Variants in KIT observed in about 807,000 individuals in gnomAD.
KIT encodes KIT proto-oncogene, receptor tyrosine kinase.
In KIT, 16 loss-of-function variants were observed where a neutral mutation model predicts 105.7. The observed-to-expected ratio is 0.15, with a 90% confidence interval of 0.10 to 0.23. KIT has a LOEUF of 0.23. Among genes scored for constraint, KIT ranks in the 10% least tolerant of loss-of-function variants. The probability of loss-of-function intolerance (pLI) is 1.00; values close to 1 mark genes in which losing one functional copy is unlikely to be tolerated. For missense variants in KIT, 858 were observed against 1,213.8 expected (o/e 0.71, Z 4.36); for synonymous variants, 438 against 441.1 (o/e 0.99, Z 0.09).
intron 7 of KIT, among the ~76,000 whole-genome samples, chr4:54,720,081 C>T (rs373415118): frequency 1.4e-4 from 22 of 152,122 alleles, no homozygotes; most frequent in Non-Finnish European, 2.5e-4. Flanking sequence ...GCCCTGGGTG[C>T]TTCTCTTGCC....
intron 1 of KIT, among the ~76,000 whole-genome samples, chr4:54,684,655 C>T (rs1248854641): frequency 2.0e-5 from 3 of 152,176 alleles, no homozygotes; most frequent in Non-Finnish European, 4.4e-5. Flanking sequence ...CCCCAAACTC[C>T]TCCCTGACAC....
At chr4:54,679,485 CA>C (rs768524918) in intron 1 of KIT, among the ~76,000 whole-genome samples, 21 of 152,144 alleles carry the variant, frequency 1.4e-4, no homozygotes, top group Middle Eastern at 3.4e-3. Flanking sequence ...TATAAAGTGA[CA>C]TTTTTGAAAG....
chr4:54,698,018 A>T (rs3111792), intron 2 of KIT, among the ~76,000 whole-genome samples: 1 of 152,148 alleles, frequency 6.6e-6, no homozygotes, highest in Non-Finnish European at 1.5e-5. Context: ...TGGCAATAAT[A>T]ATAGTACTGA....
chr4:54,719,798 CAG>C (rs1721747180), intron 7 of KIT, among the ~76,000 whole-genome samples: 1 of 152,166 alleles, frequency 6.6e-6, no homozygotes, highest in Non-Finnish European at 1.5e-5. Flanking sequence ...TTATAAAATG[CAG>C]ATGAGCCCAG....
chr4:54,727,465 A>G lies in KIT; in HGVS notation c.1697A>G (p.Asn566Ser), dbSNP rs1722309800. The G allele has an allele frequency of 6.2e-7, 1 of 1,614,110 alleles. No individual in the cohort carries two copies. Among genetic ancestry groups the G allele is most frequent in the Non-Finnish European group, 8.5e-7 (1 of 1,179,978 alleles). Residue 566 changes from asparagine to serine, a missense_variant, in exon 11 of 21, where the codon AAC (asparagine) becomes AGC (serine). Asn to Ser is a conservative substitution (Grantham distance 46). Coordinates refer to ENST00000288135, the MANE Select transcript of KIT (RefSeq NM_000222.3). ...AAGGTTGTTGAGGAGATAAATGGAA[A>G]CAATTATGTTTACATAGACCCAACA... ...QWKVVEEING[N>S]NYVYIDPTQL...
At chr4:54,697,296 A>G (rs2282775) in intron 2 of KIT, among the ~76,000 whole-genome samples, 77,702 of 152,064 alleles carry the variant, frequency 0.51, 20,191 homozygotes, top group African/African-American at 0.59. Flanking sequence ...TTGATCAAGG[A>G]TAAAACACAA....
At chr4:54,691,135 T>C (rs1719680147) in intron 1 of KIT, among the ~76,000 whole-genome samples, 1 of 152,208 alleles carries the variant, frequency 6.6e-6, no homozygotes, top group Admixed American at 6.5e-5. Flanking sequence ...GGTCATCTTT[T>C]GGGGATAGAT....
intron 1 of KIT, among the ~76,000 whole-genome samples, chr4:54,662,898 T>G (rs972314087): frequency 6.6e-6 from 1 of 152,072 alleles, no homozygotes; most frequent in Non-Finnish European, 1.5e-5. Flanking sequence ...AAGCTTTAAT[T>G]TTTTTGGTCT....
chr4:54,698,274 GCTT>G lies in KIT; in HGVS notation c.338-7_338-5del. 1 of 1,612,788 alleles carries G rather than the reference GCTT, an allele frequency of 6.2e-7. No individual in the cohort carries two copies. ...CATTCCAACTACTGATTTTGGATAT[GCTT>G]CTATAGATCCTGCCAAGCTTTTCCT... is the stretch of plus-strand genomic sequence containing the variant. On this transcript the variant is annotated splice_polypyrimidine_tract_variant and splice_region_variant and intron_variant, in intron 2 of 20. Transcript: ENST00000288135.
chr4:54,688,091 C>G (rs1719446085), intron 1 of KIT, among the ~76,000 whole-genome samples: 1 of 152,078 alleles, frequency 6.6e-6, no homozygotes, highest in Non-Finnish European at 1.5e-5. Flanking sequence ...TTTAGTCTCC[C>G]CACTGCTGGG....
At chr4:54,727,122 G>T in intron 9 of KIT, 96 bp from the exon 10 acceptor site, 1 of 969,130 alleles carries the variant, frequency 1.0e-6, no homozygotes, top group Non-Finnish European at 1.7e-6. Flanking sequence ...GCCATGGGCT[G>T]TGAGTTGGGA....
At chr4:54,660,914 A>C (rs142427576) in intron 1 of KIT, among the ~76,000 whole-genome samples, 14 of 152,278 alleles carry the variant, frequency 9.2e-5, no homozygotes, top group Middle Eastern at 3.4e-3. Flanking sequence ...CAATGTCACT[A>C]CCTTCCCAAT....
chr4:54,726,852 A>G (rs1395488982), intron 9 of KIT, among the ~76,000 whole-genome samples: 2 of 151,976 alleles, frequency 1.3e-5, no homozygotes, highest in East Asian at 1.9e-4. Flanking sequence ...AGGAAAGCTT[A>G]AAGAAGAAAA....
intron 1 of KIT, among the ~76,000 whole-genome samples, chr4:54,695,296 G>A (rs917715091): frequency 2.6e-5 from 4 of 152,190 alleles, no homozygotes; most frequent in African/African-American, 9.7e-5. Flanking sequence ...GGGACCAAAT[G>A]TGACCCTCAG....
chr4:54,678,354 C>CT (rs1718659607), intron 1 of KIT, among the ~76,000 whole-genome samples: 2 of 68,148 alleles, frequency 2.9e-5, no homozygotes, highest in African/African-American at 1.2e-4. Context: ...CCTTCCTTCC[C>CT]TCCCTCCCTC....
chr4:54,726,077 G>A (rs2109770108), intron 9 of KIT, 27 bp downstream of exon 9: 1 of 1,578,874 alleles, frequency 6.3e-7, no homozygotes, highest in South Asian at 1.1e-5. Flanking sequence ...TCCAATTTAA[G>A]GGGATGTTTA....
At chr4:54,706,202 A>G (rs984262320) in intron 5 of KIT, among the ~76,000 whole-genome samples, 2 of 149,434 alleles carry the variant, frequency 1.3e-5, no homozygotes, top group Non-Finnish European at 1.5e-5. Context: ...GGAAATTACA[A>G]GATTTAATCA....
At chr4:54,725,115 T>C (rs1196038034) in intron 8 of KIT, among the ~76,000 whole-genome samples, 1 of 151,828 alleles carries the variant, frequency 6.6e-6, no homozygotes, top group Non-Finnish European at 1.5e-5. Context: ...GTTGTTGTTG[T>C]TGTTGTTGAG....
intron 2 of KIT, among the ~76,000 whole-genome samples, chr4:54,696,795 C>A (rs527417630): frequency 6.6e-6 from 1 of 152,216 alleles, no homozygotes; most frequent in Non-Finnish European, 1.5e-5. Context: ...TTGTCCTTTC[C>A]GAAGTAGGTA....
Sources: gnomAD v4.1 joint callset for allele counts (sites outside exome capture counted in the v4.1 genomes callset) on GRCh38, gnomAD v4.1.1 for gene constraint, MANE v1.5 for transcripts, NCBI Gene and HGNC (gene_info 2026-07-23, HGNC 2026-07-21) for gene names.